Variants in IL19 observed in about 807,000 individuals in gnomAD.
The protein encoded by IL19 is interleukin 19, also known as interleukin-19.
In IL19, 15 loss-of-function variants were observed where a neutral mutation model predicts 19.5. The ratio of observed to expected loss-of-function variants is 0.77; its 90% CI spans 0.52 to 1.19. The LOEUF (loss-of-function observed/expected upper bound fraction) is 1.19. Among genes scored for constraint, IL19 ranks in the 50% most tolerant of loss-of-function variants. IL19 has a pLI of 0.00. For missense variants in IL19, 199 were observed against 213.1 expected, an observed-to-expected ratio of 0.93 and a Z score of 0.41; for synonymous variants, 78 against 78.3, an observed-to-expected ratio of 1.00 and a Z score of 0.02.
intron 2 of IL19, among the ~76,000 whole-genome samples, chr1:206,815,012 A>C (rs1167855406): frequency 6.6e-6 from 1 of 152,210 alleles, no homozygotes; most frequent in Non-Finnish European, 1.5e-5. Flanking sequence ...GGCTCAGTAC[A>C]GATAGGTCAT....
chr1:206,801,180 A>AG (rs1428978267), intron 2 of IL19, among the ~76,000 whole-genome samples: 1 of 151,882 alleles, frequency 6.6e-6, no homozygotes, highest in African/African-American at 2.4e-5. Context: ...AAAAAAAAAA[A>AG]AAAACCACAG....
intron 2 of IL19, among the ~76,000 whole-genome samples, chr1:206,810,590 A>T (rs1271110883): frequency 6.6e-6 from 1 of 152,200 alleles, no homozygotes; most frequent in Non-Finnish European, 1.5e-5. Flanking sequence ...TATGATGGTG[A>T]AAGACACCTC....
chr1:206,792,041 C>A (rs1219345676), intron 1 of IL19, among the ~76,000 whole-genome samples: 5 of 152,202 alleles, frequency 3.3e-5, no homozygotes, highest in Non-Finnish European at 7.3e-5. Flanking sequence ...GGCAGTGCCA[C>A]TCACGGGCAG....
intron 1 of IL19, among the ~76,000 whole-genome samples, chr1:206,790,727 C>T (rs574159106): frequency 6.6e-6 from 1 of 152,308 alleles, no homozygotes; most frequent in African/African-American, 2.4e-5. Context: ...CACCTCATCC[C>T]CTTCCCCCAT....
intron 2 of IL19, among the ~76,000 whole-genome samples, chr1:206,811,145 T>A (rs976557864): frequency 1.7e-4 from 26 of 152,282 alleles, no homozygotes; most frequent in South Asian, 1.7e-3. Context: ...GGCATAGTGA[T>A]AATCAAACTG....
intron 2 of IL19, chr1:206,834,218 C>T (rs1320203079): frequency 2.0e-6 from 2 of 984,804 alleles, no homozygotes; most frequent in Admixed American, 6.2e-5. Context: ...AGAAAGAAAA[C>T]AATTAAGGAA....
chr1:206,836,737 CAGG>C lies in IL19; in HGVS notation c.78_80del (p.Arg27del), dbSNP rs1676808556. On this transcript the variant is annotated inframe_deletion, in exon 3 of 7. Transcript: ENST00000659997. ...TGTGCTCAGTAGACAACCACGGTCT[CAGG>C]AGATGTCTGATTTCCACAGACATGC... 3 of 1,613,870 alleles carry C rather than the reference CAGG, an allele frequency of 1.9e-6. No homozygotes were observed. Among genetic ancestry groups the C allele is most frequent in the Non-Finnish European group, 8.5e-7 (1 of 1,179,868 alleles).
intron 4 of IL19, among the ~76,000 whole-genome samples, chr1:206,837,983 T>C (rs965272359): frequency 7.9e-5 from 12 of 152,186 alleles, no homozygotes; most frequent in African/African-American, 2.9e-4. Context: ...AGGATTTCTG[T>C]GGCTTAGGGG....
At chr1:206,779,430 C>A (rs994622600) in intron 1 of IL19, among the ~76,000 whole-genome samples, 5 of 152,110 alleles carry the variant, frequency 3.3e-5, no homozygotes. Context: ...TTTTATGCAC[C>A]CTTAACTTGT....
At chr1:206,802,075 T>C (rs904315436) in intron 2 of IL19, among the ~76,000 whole-genome samples, 5 of 152,338 alleles carry the variant, frequency 3.3e-5, no homozygotes, top group African/African-American at 9.6e-5. Context: ...GCTCCCAGCA[T>C]GGTCCTGGGC....
intron 6 of IL19, 25 bp from the exon 7 acceptor site, chr1:206,842,501 GT>G (rs1242232667): frequency 3.6e-6 from 5 of 1,404,020 alleles, no homozygotes; most frequent in Non-Finnish European, 4.9e-6. Context: ...AGAAAGGTGG[GT>G]TCTTACATTG....
intron 1 of IL19, among the ~76,000 whole-genome samples, chr1:206,784,840 G>A (rs1308743502): frequency 1.3e-5 from 2 of 152,270 alleles, no homozygotes; most frequent in East Asian, 3.8e-4. Context: ...AAATGTCTGT[G>A]TTGCGTTGAT....
At chr1:206,772,634 T>A (rs1674887948) in intron 1 of IL19, 2 of 594,576 alleles carry the variant, frequency 3.4e-6, no homozygotes, top group Middle Eastern at 4.5e-4. Flanking sequence ...TCTAATAAAC[T>A]TAGTTTTCAA....
intron 1 of IL19, among the ~76,000 whole-genome samples, chr1:206,771,897 G>A (rs574602524): frequency 4.6e-5 from 7 of 152,328 alleles, no homozygotes; most frequent in Non-Finnish European, 8.8e-5. Context: ...GTCTGGAAAC[G>A]CTCTAAGCAG....
intron 2 of IL19, among the ~76,000 whole-genome samples, chr1:206,813,780 G>C (rs1008452469): frequency 6.6e-6 from 1 of 152,162 alleles, no homozygotes; most frequent in Non-Finnish European, 1.5e-5. Flanking sequence ...ATCAGGTATT[G>C]TTGTGAAGGT....
chr1:206,773,534 A>G (rs56359449), intron 1 of IL19, among the ~76,000 whole-genome samples: 3 of 149,968 alleles, frequency 2.0e-5, no homozygotes, highest in Non-Finnish European at 4.4e-5. Context: ...CTTTCCTCTT[A>G]CCTATCCCTA....
intron 1 of IL19, among the ~76,000 whole-genome samples, chr1:206,776,426 G>GT (rs1381499685): frequency 1.4e-5 from 2 of 144,880 alleles, no homozygotes; most frequent in African/African-American, 2.5e-5. Flanking sequence ...AGAACTGCTG[G>GT]GGTGTGTGTG....
intron 2 of IL19, among the ~76,000 whole-genome samples, chr1:206,820,760 A>C (rs567576745): frequency 1.3e-5 from 2 of 152,212 alleles, no homozygotes; most frequent in African/African-American, 4.8e-5. Flanking sequence ...TTCCTCTAGC[A>C]CAACTCTGAG....
chr1:206,777,894 G>A (rs1215401018), intron 1 of IL19, among the ~76,000 whole-genome samples: 2 of 152,224 alleles, frequency 1.3e-5, no homozygotes, highest in African/African-American at 4.8e-5. Context: ...TAGGACAGAG[G>A]CTTCCTCAGA....
Sources: allele counts gnomAD v4.1 joint callset (sites outside exome capture counted in the v4.1 genomes callset), GRCh38; gene constraint gnomAD v4.1.1; transcripts MANE v1.5; gene names NCBI Gene and HGNC (gene_info 2026-07-23, HGNC 2026-07-21).